The following INSYN2B variants were observed in gnomAD, a reference collection of about 807,000 sequenced individuals.
The protein encoded by INSYN2B is inhibitory synaptic factor family member 2B, also known as protein INSYN2B.
In INSYN2B, 16 loss-of-function variants were observed where a neutral mutation model predicts 41.2. The observed-to-expected ratio is 0.39, with a 90% CI of 0.26 to 0.59. The LOEUF (loss-of-function observed/expected upper bound fraction) is 0.59. INSYN2B is among the 20% of genes least tolerant of loss of function. The probability of loss-of-function intolerance (pLI) is 0.57; values close to 1 mark genes in which losing one functional copy is unlikely to be tolerated. For synonymous variants in INSYN2B, 245 were observed against 244.4 expected (o/e 1.00, Z -0.02); for missense variants, 608 against 646.4 (o/e 0.94, Z 0.64).
intron 3 of INSYN2B, among the ~76,000 whole-genome samples, chr5:169,866,643 G>T (rs1216842936): frequency 6.6e-6 from 1 of 152,234 alleles, no homozygotes; most frequent in African/African-American, 2.4e-5. Context: ...TGTGTCCTCA[G>T]TGCTGGCATC....
chr5:169,969,612 A>G (rs1404974198), intron 1 of INSYN2B, among the ~76,000 whole-genome samples: 2 of 152,218 alleles, frequency 1.3e-5, no homozygotes, highest in Non-Finnish European at 2.9e-5. Context: ...CTGCGGAGGC[A>G]TTCCCTAGAG....
intron 1 of INSYN2B, among the ~76,000 whole-genome samples, chr5:169,955,794 A>G (rs1422692): frequency 0.04 from 6,111 of 152,222 alleles, 315 homozygotes; most frequent in East Asian, 0.21. Flanking sequence ...TTAGCAAAGT[A>G]CCAACACAGT....
chr5:169,885,660 C>G (rs1231541833), intron 1 of INSYN2B, among the ~76,000 whole-genome samples: 1 of 152,176 alleles, frequency 6.6e-6, no homozygotes, highest in African/African-American at 2.4e-5. Context: ...ATTAAAACAA[C>G]TCATATTTAC....
chr5:169,973,678 T>G (rs1777608126), intron 1 of INSYN2B, among the ~76,000 whole-genome samples: 1 of 152,204 alleles, frequency 6.6e-6, no homozygotes, highest in Non-Finnish European at 1.5e-5. Flanking sequence ...TATGCGGTAT[T>G]GGTACCTCAT....
rs563477787 is a variant in INSYN2B, at chr5:169,939,791, A to T, written c.-919+40486T>A. Among the ~76,000 whole-genome samples the T allele has an allele frequency of 7.8e-4, 118 of 152,226 alleles. No individual in the cohort carries two copies. The Middle Eastern group carries it at 0.01, about 13-fold the overall frequency. On this transcript the variant is annotated intron_variant, in intron 1 of 3. Transcript: ENST00000377365. Reference sequence around the variant, plus strand: ...AGCTCTATATTAAGGTCCCTAAAAAATATAAGAAAGGTAAAAAAAGTCAAC... The same window carrying T: ...AGCTCTATATTAAGGTCCCTAAAAATTATAAGAAAGGTAAAAAAAGTCAAC...
chr5:169,964,267 T>C (rs923223816), intron 1 of INSYN2B, among the ~76,000 whole-genome samples: 5 of 152,242 alleles, frequency 3.3e-5, no homozygotes, highest in South Asian at 4.1e-4. Context: ...GACTTCTGGA[T>C]TGGGACTCCC....
At chr5:169,917,056 C>T (rs1479399229) in intron 1 of INSYN2B, among the ~76,000 whole-genome samples, 1 of 152,244 alleles carries the variant, frequency 6.6e-6, no homozygotes, top group African/African-American at 2.4e-5. Flanking sequence ...ATATGCCTCT[C>T]TTACTACTCA....
intron 1 of INSYN2B, among the ~76,000 whole-genome samples, chr5:169,939,095 G>T (rs968661863): frequency 6.6e-6 from 1 of 151,724 alleles, no homozygotes; most frequent in Non-Finnish European, 1.5e-5. Flanking sequence ...TAGTAGAGAC[G>T]GGGTTTCACC....
intron 1 of INSYN2B, among the ~76,000 whole-genome samples, chr5:169,932,230 G>A (rs1187121017): frequency 6.6e-6 from 1 of 152,260 alleles, no homozygotes; most frequent in East Asian, 1.9e-4. Flanking sequence ...AAGGAGGGTG[G>A]GTCCCTGAGT....
chr5:169,951,370 A>G (rs1303273003), intron 1 of INSYN2B, among the ~76,000 whole-genome samples: 2 of 152,180 alleles, frequency 1.3e-5, no homozygotes, highest in Non-Finnish European at 2.9e-5. Context: ...CTTCCAAATA[A>G]CACAACACAT....
Position 169,948,609 on chromosome 5 carries a change from A to G in INSYN2B, c.-919+31668T>C, listed in dbSNP as rs75621899. ...TCCTTTCTTATTCCTTCCTTCCACA[A>G]TTAATTTTTTTTTTTTTTTTTAGAG... On this transcript the variant is annotated intron_variant, in intron 1 of 3. Transcript: ENST00000377365. Among the ~76,000 whole-genome samples the G allele has an allele frequency of 8.1e-3, 1,207 of 149,140 alleles. 61 individuals are homozygous for G. In the East Asian group the frequency reaches 0.13, roughly 17 times the overall value.
chr5:169,934,575 C>A, intron 1 of INSYN2B: 1 of 452,908 alleles, frequency 2.2e-6, no homozygotes, highest in Non-Finnish European at 4.4e-6. Flanking sequence ...GGATCTAAAT[C>A]CTGCTCTTTG....
intron 1 of INSYN2B, among the ~76,000 whole-genome samples, chr5:169,920,428 G>A (rs1775112325): frequency 6.6e-6 from 1 of 152,140 alleles, no homozygotes; most frequent in East Asian, 1.9e-4. Flanking sequence ...GAAAGTAGGT[G>A]GATTTGGCAA....
chr5:169,892,248 C>T (rs1011665572), intron 1 of INSYN2B, among the ~76,000 whole-genome samples: 1 of 152,170 alleles, frequency 6.6e-6, no homozygotes, highest in Non-Finnish European at 1.5e-5. Flanking sequence ...GACAACCCCC[C>T]TCATTATAGA....
At chr5:169,954,602 GA>G (rs1215726518) in intron 1 of INSYN2B, among the ~76,000 whole-genome samples, 1 of 152,260 alleles carries the variant, frequency 6.6e-6, no homozygotes, top group African/African-American at 2.4e-5. Flanking sequence ...TCTATTTTAT[GA>G]AAGGGATAAC....
intron 1 of INSYN2B, among the ~76,000 whole-genome samples, chr5:169,897,664 A>G (rs1773692364): frequency 6.6e-6 from 1 of 152,184 alleles, no homozygotes; most frequent in African/African-American, 2.4e-5. Flanking sequence ...AGCTAAAGAC[A>G]GAAGTTCCCT....
chr5:169,898,637 A>C (rs1773751508), intron 1 of INSYN2B, among the ~76,000 whole-genome samples: 1 of 152,170 alleles, frequency 6.6e-6, no homozygotes, highest in Non-Finnish European at 1.5e-5. Context: ...CTTATCTACT[A>C]TATCAGGGGT....
intron 1 of INSYN2B, among the ~76,000 whole-genome samples, chr5:169,965,219 A>G (rs2113753670): frequency 6.6e-6 from 1 of 152,290 alleles, no homozygotes. Context: ...TGCTCCTTAA[A>G]TTTCCATGGG....
chr5:169,871,445 A>G (rs1269516122), intron 3 of INSYN2B, among the ~76,000 whole-genome samples: 2 of 152,228 alleles, frequency 1.3e-5, no homozygotes, highest in Non-Finnish European at 2.9e-5. Flanking sequence ...GCTAGACACT[A>G]TGCTACAAGT....
Sources: allele counts gnomAD v4.1 joint callset (sites outside exome capture counted in the v4.1 genomes callset), GRCh38; gene constraint gnomAD v4.1.1; transcripts MANE v1.5; gene names NCBI Gene and HGNC (gene_info 2026-07-23, HGNC 2026-07-21).